FAM193A: variants seen among roughly 807,000 people sequenced by gnomAD.
The protein encoded by FAM193A is protein FAM193A.
A neutral mutation model predicts 126.5 loss-of-function variants in FAM193A; 22 were observed. That is an observed-to-expected ratio of 0.17 (90% CI 0.12 to 0.25). FAM193A has a LOEUF of 0.25. FAM193A is among the 10% of genes least tolerant of loss of function. FAM193A has a pLI of 1.00. For missense variants in FAM193A, 1,675 were observed against 1,672.8 expected (o/e 1.00, Z -0.02); for synonymous variants, 761 against 646.8 (o/e 1.18, Z -2.68).
intron 20 of FAM193A, among the ~76,000 whole-genome samples, chr4:2,720,703 A>G (rs546060872): frequency 1.3e-5 from 2 of 152,292 alleles, no homozygotes; most frequent in Admixed American, 6.5e-5. Context: ...AAATAATTGG[A>G]AATGTAGCTC....
intron 12 of FAM193A, among the ~76,000 whole-genome samples, chr4:2,665,094 A>G (rs951921208): frequency 6.6e-6 from 1 of 152,312 alleles, no homozygotes; most frequent in Admixed American, 6.5e-5. Context: ...AACAAAATTG[A>G]GTCTTCTAAT....
At chr4:2,624,386 C>T (rs539454527) in intron 2 of FAM193A, among the ~76,000 whole-genome samples, 8 of 152,250 alleles carry the variant, frequency 5.3e-5, no homozygotes, top group East Asian at 1.9e-4. Context: ...TCAGGTGATC[C>T]GCCTGCCTCG....
At position 2,654,152 on chromosome 4, in the gene FAM193A, G is replaced by A. The variant is rs144791130; in HGVS notation, c.1312-3651G>A. ...ACTGATTCAAAGGCTTTAAAATGTT[G>A]AATACGTGTAAAATAATTGAGTCTC... On this transcript the variant is annotated intron_variant, in intron 7 of 20. Transcript: ENST00000637812. 3.5e-3 allele frequency among the ~76,000 whole-genome samples: 537 copies of A among 152,258 alleles called. 4 individuals carry two copies. The highest frequency in any genetic ancestry group is 0.012 in the African/African-American group (519 of 41,566).
At chr4:2,617,739 C>T (rs1264138764) in intron 2 of FAM193A, among the ~76,000 whole-genome samples, 1 of 152,144 alleles carries the variant, frequency 6.6e-6, no homozygotes, top group Non-Finnish European at 1.5e-5. Flanking sequence ...CTTGGAGCGC[C>T]ACCATTTCTG....
intron 15 of FAM193A, among the ~76,000 whole-genome samples, chr4:2,691,408 G>T (rs1716364275): frequency 6.6e-6 from 1 of 152,176 alleles, no homozygotes; most frequent in African/African-American, 2.4e-5. Flanking sequence ...GTAGAGACGG[G>T]GTTTCACCAT....
rs33968148 is a variant in FAM193A at position 2,717,754 on chromosome 4, G to GA, written c.4454+1668dup. Among the ~76,000 whole-genome samples, 347 of 137,134 alleles carry GA rather than the reference G, an allele frequency of 2.5e-3. 3 individuals are homozygous for GA. The highest frequency in any genetic ancestry group is 5.2e-3 in the East Asian group (24 of 4,590). 90.0% of individuals were successfully genotyped at this position (137,134 alleles called of 152,430 possible). A position where few individuals can be genotyped will look rare whatever the true frequency, so the allele number is the denominator to read the frequency against. On this transcript the variant is annotated intron_variant, in intron 20 of 20. Coordinates refer to ENST00000637812, the MANE Select transcript of FAM193A (RefSeq NM_001366318.2). Reference sequence around the variant, plus strand: ...TGGGCAACAGAGCAAGACCCTGTCTGAAAAAAAAAAAAAAAAAATTCCCCG... The same window carrying GA: ...TGGGCAACAGAGCAAGACCCTGTCTGAAAAAAAAAAAAAAAAAAATTCCCCG...
At chr4:2,586,070 C>T (rs1398935565) in intron 1 of FAM193A, among the ~76,000 whole-genome samples, 1 of 151,782 alleles carries the variant, frequency 6.6e-6, no homozygotes, top group Non-Finnish European at 1.5e-5. Flanking sequence ...ATAGAGAAAC[C>T]CCATCTCTAC....
chr4:2,617,750 G>C (rs186407386), intron 2 of FAM193A, among the ~76,000 whole-genome samples: 30 of 152,168 alleles, frequency 2.0e-4, no homozygotes, highest in Admixed American at 9.8e-4. Context: ...ACCATTTCTG[G>C]TGCTAATGTA....
At chr4:2,650,058 T>A (rs1745515182) in intron 7 of FAM193A, among the ~76,000 whole-genome samples, 1 of 152,204 alleles carries the variant, frequency 6.6e-6, no homozygotes, top group African/African-American at 2.4e-5. Context: ...CACCCCTAGA[T>A]GGGACCATCT....
At chr4:2,577,411 G>GTTTTTTTTTGT (rs1739651278) in intron 1 of FAM193A, among the ~76,000 whole-genome samples, 7 of 101,860 alleles carry the variant, frequency 6.9e-5, no homozygotes, top group South Asian at 3.1e-4. Context: ...AATTAAAGTG[G>GTTTTTTTTTGT]TTTTTTTTTT....
chr4:2,704,367 G>A (rs1225648635), intron 19 of FAM193A, among the ~76,000 whole-genome samples: 1 of 151,816 alleles, frequency 6.6e-6, no homozygotes, highest in Non-Finnish European at 1.5e-5. Context: ...GAAGTTCGAG[G>A]CCAGCCTGAC....
In FAM193A at chr4:2,630,970, G is replaced by A. The variant is rs1260009478; in HGVS notation, c.839G>A (p.Arg280His). The change falls in exon 5 of 21, where the codon CGT becomes CAT. Residue 280 changes from arginine to histidine, a missense_variant. This residue lies in a region of FAM193A where 1,186 missense variants were observed against 1,109.2 expected (regional missense o/e 1.07). Transcript: ENST00000637812. ...CERDPYQLYQRLEQQAREYVL... is the reference protein window; with the variant it reads ...CERDPYQLYQHLEQQAREYVL... ...AGGGACCCCTACCAGCTGTACCAGCGTCTGGAACAGCAAGCTCGAGAGTAT... is the reference window on the plus strand; with the variant it reads ...AGGGACCCCTACCAGCTGTACCAGCATCTGGAACAGCAAGCTCGAGAGTAT... 16 of 1,609,738 alleles carry A rather than the reference G, an allele frequency of 9.9e-6. No individual in the cohort carries two copies. The highest frequency in any genetic ancestry group is 1.7e-4 in the Middle Eastern group (1 of 6,054).
chr4:2,612,423 C>T (rs1469162465), intron 2 of FAM193A, among the ~76,000 whole-genome samples: 1 of 151,928 alleles, frequency 6.6e-6, no homozygotes, highest in East Asian at 2.0e-4. Context: ...CACTTGAACC[C>T]AGGAGGTGGA....
chr4:2,686,370 C>T (rs1715741995), intron 13 of FAM193A, among the ~76,000 whole-genome samples: 1 of 152,176 alleles, frequency 6.6e-6, no homozygotes, highest in Non-Finnish European at 1.5e-5. Flanking sequence ...CCAATATGTG[C>T]CAGGCCCTGT....
chr4:2,589,587 T>G (rs549070311), intron 1 of FAM193A, among the ~76,000 whole-genome samples: 1 of 152,348 alleles, frequency 6.6e-6, no homozygotes, highest in South Asian at 2.1e-4. Flanking sequence ...AAATTATTTA[T>G]CACAGAGCCT....
chr4:2,539,313 C>T (rs1560427016), intron 1 of FAM193A, among the ~76,000 whole-genome samples: 1 of 152,260 alleles, frequency 6.6e-6, no homozygotes. Context: ...AGGGATCCCT[C>T]TCATCTTAGT....
intron 7 of FAM193A, chr4:2,654,378 A>ATTTTTTTTTTTTTTTT (rs372926172): frequency 7.0e-5 from 8 of 114,562 alleles, no homozygotes; most frequent in African/African-American, 1.0e-4. Context: ...TGCCTGGCTA[A>ATTTTTTTTTTTTTTTT]TTTTTTTTTT....
chr4:2,672,452 G>T, intron 13 of FAM193A, 80 bp downstream of exon 13: 2 of 1,497,710 alleles, frequency 1.3e-6, no homozygotes, highest in Non-Finnish European at 1.8e-6. Flanking sequence ...AAAGAAATCT[G>T]TGAATTAGCA....
intron 1 of FAM193A, among the ~76,000 whole-genome samples, chr4:2,586,603 C>T (rs1161899547): frequency 6.6e-6 from 1 of 152,114 alleles, no homozygotes; most frequent in African/African-American, 2.4e-5. Context: ...TATATTCCTT[C>T]GTCTACTTTT....
Sources: gnomAD v4.1 joint callset for allele counts (sites outside exome capture counted in the v4.1 genomes callset) on GRCh38, gnomAD v4.1.1 for gene constraint, gnomAD v4.1.1 regional missense constraint, MANE v1.5 for transcripts, NCBI Gene and HGNC (gene_info 2026-07-23, HGNC 2026-07-21) for gene names.